DDX55: variants seen among roughly 807,000 people sequenced by gnomAD.
DDX55 encodes the protein DEAD-box helicase 55, also known as ATP-dependent RNA helicase DDX55.
DDX55 carries 56 observed loss-of-function variants against 69.2 expected under a neutral mutation model. The ratio of observed to expected loss-of-function variants is 0.81; its 90% CI spans 0.65 to 1.01. DDX55 has a LOEUF of 1.01. Ranked by LOEUF, DDX55 falls within the 50% of genes least tolerant of loss-of-function variation. The pLI is 0.00. For missense variants in DDX55, 720 were observed against 745.1 expected, an observed-to-expected ratio of 0.97 and a Z score of 0.39; for synonymous variants, 268 against 273.1, an observed-to-expected ratio of 0.98 and a Z score of 0.18.
At chr12:123,618,586 T>C (rs1479762582) in intron 11 of DDX55, 83 bp from the exon 12 acceptor site, 2 of 1,563,482 alleles carry the variant, frequency 1.3e-6, no homozygotes, top group Non-Finnish European at 1.7e-6. Flanking sequence ...GTTTCGCTTT[T>C]GTTTTTCTTG....
intron 1 of DDX55, 43 bp downstream of exon 1, chr12:123,602,299 C>G (rs778935594): frequency 4.7e-6 from 7 of 1,489,976 alleles, no homozygotes; most frequent in Non-Finnish European, 6.3e-6. Context: ...GGGAGAGGGG[C>G]AGGCACCCGC....
chr12:123,608,838 C>CCTG lies in DDX55; in HGVS notation c.551+9_551+10insCTG. 1 of 1,611,188 alleles carries CCTG rather than the reference C, an allele frequency of 6.2e-7. No individual in the cohort carries two copies. The highest frequency in any genetic ancestry group is 8.5e-7 in the Non-Finnish European group (1 of 1,178,322). ...ATGGGGTTTGAGGCAAGGTACTGGA[C>CCTG]TTTGGACTTCACTGGCTTGAGTGGG... On this transcript the variant is annotated intron_variant, in intron 6 of 13. Coordinates refer to ENST00000238146, the MANE Select transcript of DDX55 (RefSeq NM_020936.3).
intron 7 of DDX55, 149 bp downstream of exon 7, chr12:123,610,277 T>C (rs1409049064): frequency 1.0e-5 from 10 of 966,828 alleles, no homozygotes; most frequent in Non-Finnish European, 1.5e-5. Context: ...GCCTGAGTGG[T>C]CCTACTCATT....
chr12:123,616,411 T>C (rs746443321), intron 9 of DDX55, 100 bp from the exon 10 acceptor site: 236 of 1,036,700 alleles, frequency 2.3e-4, no homozygotes, highest in Non-Finnish European at 3.3e-4. Flanking sequence ...TGTGAGAAGC[T>C]CCAGCACCTG....
intron 9 of DDX55, among the ~76,000 whole-genome samples, chr12:123,615,533 A>G (rs1954592735): frequency 6.6e-6 from 1 of 152,034 alleles, no homozygotes; most frequent in South Asian, 2.1e-4. Context: ...TCATTTCCCT[A>G]GTTACTGAAC....
intron 7 of DDX55, among the ~76,000 whole-genome samples, chr12:123,612,218 A>G (rs553089416): frequency 1.3e-5 from 2 of 152,294 alleles, no homozygotes; most frequent in Non-Finnish European, 2.9e-5. Flanking sequence ...ATCTGAAAAA[A>G]TTCAAAAGCC....
At chr12:123,608,225 C>T (rs569095306) in intron 5 of DDX55, 1 of 170,458 alleles carries the variant, frequency 5.9e-6, no homozygotes, top group South Asian at 1.4e-4. Context: ...TACCTGGGAC[C>T]TACAATGGTT....
chr12:123,607,802 C>T (rs999531037), intron 5 of DDX55, 140 bp downstream of exon 5: 1 of 1,175,504 alleles, frequency 8.5e-7, no homozygotes, highest in African/African-American at 1.5e-5. Context: ...TCCAGGCCAG[C>T]TTCCCATTGT....
chr12:123,618,617 G>A, intron 11 of DDX55, 52 bp from the exon 12 acceptor site: 1 of 1,590,406 alleles, frequency 6.3e-7, no homozygotes, highest in South Asian at 1.1e-5. Flanking sequence ...GGAGCCCTGG[G>A]GATATGATGC....
At chr12:123,618,152 G>A (rs1285472602) in intron 11 of DDX55, 5 of 408,662 alleles carry the variant, frequency 1.2e-5, no homozygotes, top group Non-Finnish European at 2.3e-5. Context: ...AAGTAGCTGG[G>A]ATTACAGGCA....
At position 123,613,203 on chromosome 12, in the gene DDX55, G is replaced by A; in HGVS notation, c.775G>A (p.Val259Ile). The A allele has an allele frequency of 1.2e-6, 2 of 1,613,962 alleles. No individual in the cohort carries two copies. Among genetic ancestry groups the A allele is most frequent in the Non-Finnish European group, 1.7e-6 (2 of 1,179,992 alleles). The change falls in exon 8 of 14, where the codon GTC (valine) becomes ATC (isoleucine). Residue 259 changes from valine (V) to isoleucine (I), a missense_variant. Val to Ile is a conservative substitution (Grantham distance 29). Transcript: ENST00000238146. ...GGCAGATGAGAAATTTAATCAGCTG[G>A]TCCATTTTCTTCGCAATCATAAGCA... ...CKADEKFNQLVHFLRNHKQEK... is the reference protein window; with the variant it reads ...CKADEKFNQLIHFLRNHKQEK...
At chr12:123,618,382 GC>G (rs1566203425) in intron 11 of DDX55, 1 of 760,206 alleles carries the variant, frequency 1.3e-6, no homozygotes, top group East Asian at 3.6e-5. Flanking sequence ...GTGGTAGCAT[GC>G]CCTGCTGGGA....
Position 123,606,152 on chromosome 12 carries a change from A to G in DDX55, c.239A>G (p.Lys80Arg). ...ILLRREEKLK[K>R]SQVGAIIITP... ...CTGAGAAGAGAAGAGAAGTTAAAAAAGAGTCAGGTGAGGACAACAAAAGTG... is the reference window on the plus strand; with the variant it reads ...CTGAGAAGAGAAGAGAAGTTAAAAAGGAGTCAGGTGAGGACAACAAAAGTG... Residue 80 changes from lysine (K) to arginine (R), a missense_variant, in exon 3 of 14, where the codon AAG becomes AGG. By Grantham distance (26) the Lys-to-Arg change is conservative (BLOSUM62 2). Coordinates refer to ENST00000238146, the MANE Select transcript of DDX55 (RefSeq NM_020936.3). 1 of 1,614,184 alleles carries G rather than the reference A, an allele frequency of 6.2e-7. No homozygotes were observed. The highest frequency in any genetic ancestry group is 1.1e-5 in the South Asian group (1 of 91,076).
chr12:123,609,525 G>T (rs1168310456), intron 6 of DDX55, among the ~76,000 whole-genome samples: 3 of 151,384 alleles, frequency 2.0e-5, no homozygotes, highest in Non-Finnish European at 2.9e-5. Context: ...ACAGGCACAT[G>T]CCATCATGCT....
Position 123,606,054 on chromosome 12 carries a change from C to T in DDX55, c.160-19C>T, listed in dbSNP as rs545134794. ...TGAACTCTGAGGAAGAAAGGGAAAC[C>T]AAAACTCTCTGTTTGCAGGTCACAG... On this transcript the variant is annotated intron_variant, in intron 2 of 13. Coordinates refer to ENST00000238146, the MANE Select transcript of DDX55 (RefSeq NM_020936.3). 6.6e-7 allele frequency: 1 copy of T among 1,504,324 alleles called. No homozygotes were observed. The highest frequency in any genetic ancestry group is 8.9e-7 in the Non-Finnish European group (1 of 1,128,896). The allele number at this position is 1,504,324 out of a possible 1,614,324, so 93.2% of individuals were successfully genotyped here. A position where few individuals can be genotyped will look rare whatever the true frequency, so the allele number is the denominator to read the frequency against.
chr12:123,613,596 G>T (rs934463716), intron 8 of DDX55, among the ~76,000 whole-genome samples: 3 of 152,068 alleles, frequency 2.0e-5, no homozygotes, highest in African/African-American at 4.8e-5. Context: ...GATAAGGGGG[G>T]AAAGGCAGAG....
rs1555284661 is a variant in DDX55 at position 123,620,619 on chromosome 12, T to TAAAA, written c.*480_*481insAAAA. ...ATATATATATATATATATATATATA[T>TAAAA]ATATATATAAGCTCTTTTTTCTGAG... is the stretch of plus-strand genomic sequence containing the variant. On this transcript the variant is annotated 3_prime_UTR_variant, in exon 14 of 14. Transcript: ENST00000238146. The TAAAA allele has an allele frequency of 8.3e-6, 1 of 120,550 alleles. No homozygotes were observed. Among genetic ancestry groups the TAAAA allele is most frequent in the African/African-American group, 3.7e-5 (1 of 27,260 alleles). 7.5% of individuals were successfully genotyped at this position (120,550 alleles called of 1,614,324 possible).
intron 7 of DDX55, 86 bp downstream of exon 7, chr12:123,610,214 A>T (rs1462538836): frequency 1.7e-5 from 24 of 1,453,662 alleles, no homozygotes; most frequent in East Asian, 2.5e-5. Flanking sequence ...AATATGTGAG[A>T]CCCTGTAGCA....
intron 1 of DDX55, among the ~76,000 whole-genome samples, chr12:123,602,645 G>T (rs1242178641): frequency 1.3e-5 from 2 of 152,224 alleles, no homozygotes; most frequent in African/African-American, 4.8e-5. Flanking sequence ...GGCACACTAT[G>T]GGAGCTCAGT....
Sources: allele counts gnomAD v4.1 joint callset (sites outside exome capture counted in the v4.1 genomes callset), GRCh38; gene constraint gnomAD v4.1.1; transcripts MANE v1.5; gene names NCBI Gene and HGNC (gene_info 2026-07-23, HGNC 2026-07-21).